Variants in TMEM132D observed in about 807,000 individuals in gnomAD.
The protein encoded by TMEM132D is transmembrane protein 132D, also known as mature OL transmembrane protein.
A neutral mutation model predicts 62.3 loss-of-function variants in TMEM132D; 21 were observed. The observed-to-expected ratio is 0.34, with a 90% CI of 0.24 to 0.49. TMEM132D has a LOEUF of 0.49. Among genes scored for constraint, TMEM132D ranks in the 20% least tolerant of loss-of-function variants. The probability of loss-of-function intolerance (pLI) is 0.99; values close to 1 mark genes in which losing one functional copy is unlikely to be tolerated. For synonymous variants in TMEM132D, 621 were observed against 575.6 expected (o/e 1.08, Z -1.13); for missense variants, 1,346 against 1,402.8 (o/e 0.96, Z 0.65).
intron 4 of TMEM132D, among the ~76,000 whole-genome samples, chr12:129,293,699 C>G (rs562601856): frequency 6.6e-6 from 1 of 152,292 alleles, no homozygotes; most frequent in South Asian, 2.1e-4. Context: ...AGATCCCTCG[C>G]ATGTGCAGTT....
intron 4 of TMEM132D, among the ~76,000 whole-genome samples, chr12:129,261,834 A>T (rs931876381): frequency 1.3e-5 from 2 of 152,188 alleles, no homozygotes; most frequent in African/African-American, 4.8e-5. Context: ...ACCTCATTAA[A>T]GTCCCTATGT....
At chr12:129,682,177 T>A (rs926521793) in intron 2 of TMEM132D, among the ~76,000 whole-genome samples, 1 of 152,240 alleles carries the variant, frequency 6.6e-6, no homozygotes, top group African/African-American at 2.4e-5. Context: ...CTGCTTAGTT[T>A]GAAATGGCCT....
At chr12:129,083,677 AC>A (rs1320283960) in intron 6 of TMEM132D, among the ~76,000 whole-genome samples, 2 of 151,850 alleles carry the variant, frequency 1.3e-5, no homozygotes, top group African/African-American at 4.8e-5. Context: ...CCAATTCTCC[AC>A]CCCCTGCTGA....
intron 4 of TMEM132D, among the ~76,000 whole-genome samples, chr12:129,231,322 T>TG (rs1879633970): frequency 6.6e-6 from 1 of 152,204 alleles, no homozygotes; most frequent in Admixed American, 6.5e-5. Flanking sequence ...ATTATGGCCA[T>TG]GTTCTCTTTG....
intron 4 of TMEM132D, among the ~76,000 whole-genome samples, chr12:129,227,241 TAATAAC>T (rs148034990): frequency 0.17 from 25,398 of 147,998 alleles, 2,917 homozygotes; most frequent in Non-Finnish European, 0.25. Context: ...TGCCAAGTGA[TAATAAC>T]AATAACTTCC....
intron 4 of TMEM132D, among the ~76,000 whole-genome samples, chr12:129,263,470 G>T (rs1199997614): frequency 6.6e-6 from 1 of 152,122 alleles, no homozygotes; most frequent in Non-Finnish European, 1.5e-5. Flanking sequence ...TGTAAGAGGT[G>T]GAGCTGAGAT....
At chr12:129,369,347 A>G (rs3893019) in intron 3 of TMEM132D, among the ~76,000 whole-genome samples, 34,944 of 148,176 alleles carry the variant, frequency 0.24, 4,754 homozygotes, top group South Asian at 0.39. Flanking sequence ...ACTTGATTAA[A>G]TTTATCTGTT....
At chr12:129,683,008 A>T (rs1880823255) in intron 2 of TMEM132D, 1 of 152,038 alleles carries the variant, frequency 6.6e-6, no homozygotes, top group African/African-American at 2.4e-5. Flanking sequence ...AGCATCAGTC[A>T]CTCAGGAAAG....
chr12:129,267,628 G>A (rs1750222125), intron 4 of TMEM132D, among the ~76,000 whole-genome samples: 1 of 152,116 alleles, frequency 6.6e-6, no homozygotes. Context: ...TATAGATTCG[G>A]TGCCATCCCT....
rs1193563868 is a variant in TMEM132D, at chr12:129,403,686, CT to C, written c.1116-65870del. On this transcript the variant is annotated intron_variant, in intron 3 of 8. Coordinates refer to ENST00000422113, the MANE Select transcript of TMEM132D (RefSeq NM_133448.3). ...GGGGAAAACGAGAGCAACAAGGCCC[CT>C]GCTACAGACATTCTGTTGACTCGCA... 3.3e-5 allele frequency among the ~76,000 whole-genome samples: 5 copies of C among 152,232 alleles called. No individual in the cohort carries two copies. The East Asian group carries it at 9.7e-4, about 29-fold the overall frequency.
At chr12:129,530,863 G>T (rs936391319) in intron 3 of TMEM132D, among the ~76,000 whole-genome samples, 196 bp downstream of exon 3, 1 of 151,922 alleles carries the variant, frequency 6.6e-6, no homozygotes, top group African/African-American at 2.4e-5. Flanking sequence ...GTTTTAAGTA[G>T]GTCTGCTGTG....
At chr12:129,493,251 T>C (rs946667650) in intron 3 of TMEM132D, among the ~76,000 whole-genome samples, 13 of 152,354 alleles carry the variant, frequency 8.5e-5, no homozygotes, top group Non-Finnish European at 1.3e-4. Context: ...GCTACCATTA[T>C]TGACAGTCTA....
chr12:129,747,602 G>C (rs1240113623), intron 1 of TMEM132D, among the ~76,000 whole-genome samples: 2 of 142,274 alleles, frequency 1.4e-5, no homozygotes, highest in East Asian at 4.3e-4. Flanking sequence ...ATGCACACTT[G>C]ACATACAGAC....
intron 5 of TMEM132D, among the ~76,000 whole-genome samples, chr12:129,182,429 T>C (rs1244779620): frequency 2.0e-5 from 3 of 152,146 alleles, no homozygotes; most frequent in Non-Finnish European, 4.4e-5. Flanking sequence ...AACCAGAACA[T>C]AGGCAAGTCT....
intron 7 of TMEM132D, among the ~76,000 whole-genome samples, 199 bp downstream of exon 7, chr12:129,081,560 A>G (rs1029410743): frequency 1.3e-5 from 2 of 152,148 alleles, no homozygotes; most frequent in South Asian, 2.1e-4. Context: ...GGCCTCCCAA[A>G]GTGCTGGGAT....
chr12:129,645,150 T>C (rs1879741239), intron 2 of TMEM132D, among the ~76,000 whole-genome samples: 1 of 152,136 alleles, frequency 6.6e-6, no homozygotes. Flanking sequence ...TTCCATCCCT[T>C]TCCTGGATCC....
rs186005487 is a variant in TMEM132D at position 129,553,549 on chromosome 12, G to A, written c.969-22344C>T. On this transcript the variant is annotated intron_variant, in intron 2 of 8. Transcript: ENST00000422113. ...TTTGCAGCTGGCAGGGAGAGGGAGCGTGGATACCAGCCTGATTTGTAACAC... is the reference window on the plus strand; with the variant it reads ...TTTGCAGCTGGCAGGGAGAGGGAGCATGGATACCAGCCTGATTTGTAACAC... Among the ~76,000 whole-genome samples the A allele has an allele frequency of 8.9e-4, 135 of 152,296 alleles. No homozygotes were observed. In the South Asian group the frequency reaches 9.5e-3, roughly 11 times the overall value.
At chr12:129,658,558 C>T (rs1012820375) in intron 2 of TMEM132D, among the ~76,000 whole-genome samples, 9 of 152,186 alleles carry the variant, frequency 5.9e-5, no homozygotes, top group African/African-American at 9.6e-5. Flanking sequence ...CCCAGCAACA[C>T]GTAGCGTCTG....
intron 2 of TMEM132D, among the ~76,000 whole-genome samples, chr12:129,652,853 G>T (rs1052776089): frequency 1.3e-5 from 2 of 152,216 alleles, no homozygotes; most frequent in African/African-American, 4.8e-5. Flanking sequence ...CCAGACACGT[G>T]CCAGGAACTG....
Sources: allele counts gnomAD v4.1 joint callset (sites outside exome capture counted in the v4.1 genomes callset), GRCh38; gene constraint gnomAD v4.1.1; transcripts MANE v1.5; gene names NCBI Gene and HGNC (gene_info 2026-07-23, HGNC 2026-07-21).